The following AUTS2 variants were observed in gnomAD, a reference collection of about 807,000 sequenced individuals.
The protein encoded by AUTS2 is activator of transcription and developmental regulator AUTS2, also known as autism susceptibility gene 2 protein.
Under a neutral mutation model 112.4 loss-of-function variants are expected in AUTS2, and 17 were observed. The ratio of observed to expected loss-of-function variants is 0.15; its 90% confidence interval spans 0.10 to 0.23. AUTS2 has a LOEUF of 0.23. Ranked by LOEUF, AUTS2 falls within the 10% of genes least tolerant of loss-of-function variation. AUTS2 has a pLI of 1.00. For missense variants in AUTS2, 1,510 were observed against 1,701.6 expected, an observed-to-expected ratio of 0.89 and a Z score of 1.98; for synonymous variants, 751 against 702.7, an observed-to-expected ratio of 1.07 and a Z score of -1.09.
chr7:70,098,853 C>A (rs185201478), intron 2 of AUTS2, among the ~76,000 whole-genome samples: 6 of 152,122 alleles, frequency 3.9e-5, no homozygotes, highest in African/African-American at 1.4e-4. Context: ...CAAGCGTGCG[C>A]CATCACGCCC....
intron 4 of AUTS2, among the ~76,000 whole-genome samples, chr7:70,377,086 C>T (rs967669824): frequency 2.6e-5 from 4 of 151,412 alleles, no homozygotes; most frequent in African/African-American, 9.7e-5. Flanking sequence ...TGTTATTTGT[C>T]TTTTTACTGT....
chr7:70,665,435 T>TATTTATC (rs1807284433), intron 5 of AUTS2, among the ~76,000 whole-genome samples: 1 of 131,402 alleles, frequency 7.6e-6, no homozygotes. Context: ...AGCTGTTTAT[T>TATTTATC]TATTTATCTA....
chr7:70,264,154 GT>G (rs758326882), intron 4 of AUTS2, among the ~76,000 whole-genome samples: 5 of 152,172 alleles, frequency 3.3e-5, no homozygotes, highest in Middle Eastern at 3.4e-3. Context: ...TCCTAGAGAC[GT>G]TTCCTCTTTC....
rs900659854 is a variant in AUTS2 at position 70,697,564 on chromosome 7, C to G, written c.691-1005C>G. Among the ~76,000 whole-genome samples the G allele has an allele frequency of 1.8e-4, 25 of 139,442 alleles. 1 individual carries two copies. The highest frequency in any genetic ancestry group is 5.7e-4 in the African/African-American group (22 of 38,612). 91.5% of individuals were successfully genotyped at this position (139,442 alleles called of 152,430 possible). ...AAATATGCTGCACTTCAGAATTCCC[C>G]CCCCCCATTTCCTATATTTCCTTTT... On this transcript the variant is annotated intron_variant, in intron 5 of 18. Coordinates refer to ENST00000342771, the MANE Select transcript of AUTS2 (RefSeq NM_015570.4).
chr7:69,643,220 G>A (rs1463111847), intron 1 of AUTS2: 1 of 152,230 alleles, frequency 6.6e-6, no homozygotes, highest in Non-Finnish European at 1.5e-5. Flanking sequence ...ACAAGGCAGT[G>A]CTGCAGTCTT....
intron 4 of AUTS2, among the ~76,000 whole-genome samples, chr7:70,298,669 T>C (rs1375011244): frequency 6.6e-6 from 1 of 152,222 alleles, no homozygotes; most frequent in Non-Finnish European, 1.5e-5. Flanking sequence ...TTAAATTATA[T>C]CCAGGTTCCT....
At chr7:69,868,498 T>C (rs906586803) in intron 1 of AUTS2, among the ~76,000 whole-genome samples, 1 of 152,214 alleles carries the variant, frequency 6.6e-6, no homozygotes, top group African/African-American at 2.4e-5. Flanking sequence ...TATCCAAGAC[T>C]AGCTTCCCTC....
At chr7:70,728,707 C>CAAAAAAAA (rs55878540) in intron 6 of AUTS2, among the ~76,000 whole-genome samples, 1 of 81,630 alleles carries the variant, frequency 1.2e-5, no homozygotes, top group Non-Finnish European at 2.3e-5. Context: ...GACTCTGTCT[C>CAAAAAAAA]AAAAAAAAAA....
At chr7:70,660,437 C>T (rs1585458501) in intron 5 of AUTS2, among the ~76,000 whole-genome samples, 1 of 152,132 alleles carries the variant, frequency 6.6e-6, no homozygotes, top group South Asian at 2.1e-4. Context: ...TCAAAGTGAG[C>T]GTAGATTTGG....
At chr7:70,609,250 G>A (rs1045956050) in intron 5 of AUTS2, among the ~76,000 whole-genome samples, 4 of 151,962 alleles carry the variant, frequency 2.6e-5, no homozygotes, top group African/African-American at 4.8e-5. Context: ...ACCACCATTC[G>A]ACTTTTTGCT....
intron 1 of AUTS2, among the ~76,000 whole-genome samples, chr7:69,627,893 T>G (rs1033200827): frequency 6.6e-6 from 1 of 152,228 alleles, no homozygotes; most frequent in Non-Finnish European, 1.5e-5. Flanking sequence ...TATAACAGTT[T>G]ACAGCACATA....
intron 2 of AUTS2, among the ~76,000 whole-genome samples, chr7:70,083,697 A>G (rs1233318537): frequency 2.6e-5 from 4 of 152,198 alleles, no homozygotes; most frequent in African/African-American, 9.6e-5. Context: ...CTGTAATCCC[A>G]GCATTTTGGA....
intron 4 of AUTS2, among the ~76,000 whole-genome samples, chr7:70,303,252 G>A (rs1283623102): frequency 6.6e-6 from 1 of 152,108 alleles, no homozygotes; most frequent in African/African-American, 2.4e-5. Flanking sequence ...AAATAATAGG[G>A]GGTGACAAAT....
At chr7:70,544,143 AATTACCCAAGTTACT>A (rs1472501701) in intron 5 of AUTS2, among the ~76,000 whole-genome samples, 1 of 152,198 alleles carries the variant, frequency 6.6e-6, no homozygotes, top group African/African-American at 2.4e-5. Context: ...GTGATTTGCT[AATTACCCAAGTTACT>A]ATTACCTGAT....
intron 1 of AUTS2, among the ~76,000 whole-genome samples, chr7:69,851,950 A>G (rs193269013): frequency 6.6e-5 from 10 of 152,196 alleles, no homozygotes; most frequent in Non-Finnish European, 5.9e-5. Context: ...TTTATTATTT[A>G]CTTTCTGATA....
intron 3 of AUTS2, among the ~76,000 whole-genome samples, chr7:70,126,826 C>T (rs1287509524): frequency 4.6e-5 from 7 of 152,232 alleles, no homozygotes; most frequent in Middle Eastern, 3.4e-3. Flanking sequence ...CTTTCTTCCC[C>T]GCCAAGATGG....
chr7:69,948,978 G>A (rs1796924632), intron 2 of AUTS2, among the ~76,000 whole-genome samples: 3 of 151,812 alleles, frequency 2.0e-5, no homozygotes, highest in African/African-American at 7.3e-5. Flanking sequence ...GCTAATTTTT[G>A]TAATTTTTAG....
chr7:70,034,924 T>C (rs1386892922), intron 2 of AUTS2, among the ~76,000 whole-genome samples: 1 of 152,168 alleles, frequency 6.6e-6, no homozygotes, highest in Non-Finnish European at 1.5e-5. Flanking sequence ...CTGGAATTTT[T>C]GGGCCCAAGC....
At chr7:70,417,275 G>A (rs1795024997) in intron 4 of AUTS2, among the ~76,000 whole-genome samples, 1 of 152,226 alleles carries the variant, frequency 6.6e-6, no homozygotes, top group South Asian at 2.1e-4. Context: ...GAGGCAGCGG[G>A]AGAGGAAAAC....
Sources: allele counts gnomAD v4.1 joint callset (sites outside exome capture counted in the v4.1 genomes callset), GRCh38; gene constraint gnomAD v4.1.1; transcripts MANE v1.5; gene names NCBI Gene and HGNC (gene_info 2026-07-23, HGNC 2026-07-21).